The following FCRL1 variants were observed in gnomAD, a reference collection of about 807,000 sequenced individuals.
FCRL1 encodes the protein Fc receptor-like protein 1.
FCRL1 carries 34 observed loss-of-function variants against 49.2 expected under a neutral mutation model. That is an observed-to-expected ratio of 0.69 (90% CI 0.53 to 0.92). FCRL1 has a LOEUF of 0.92. Among genes scored for constraint, FCRL1 ranks in the 40% least tolerant of loss-of-function variants. FCRL1 has a pLI of 0.00. For synonymous variants in FCRL1, 218 were observed against 201.6 expected (o/e 1.08, Z -0.69); for missense variants, 524 against 524.1 (o/e 1.00, Z 0.00).
chr1:157,804,251 C>CG lies in FCRL1; in HGVS notation c.53-141_53-140insC, dbSNP rs201261723. ...AGGCCACCCTACATGTCTCCACCCC[C>CG]CCCCCAGTGGCCCATGGGCTTTCCT... is the stretch of plus-strand genomic sequence containing the variant. On this transcript the variant is annotated intron_variant, in intron 2 of 10. Coordinates refer to ENST00000368176, the MANE Select transcript of FCRL1 (RefSeq NM_052938.5). The CG allele has an allele frequency of 7.5e-5, 73 of 974,958 alleles. 1 individual carries two copies. The highest frequency in any genetic ancestry group is 4.4e-5 in the Non-Finnish European group (30 of 679,238). 60.4% of individuals were successfully genotyped at this position (974,958 alleles called of 1,614,324 possible). A position where few individuals can be genotyped will look rare whatever the true frequency, so the allele number is the denominator to read the frequency against.
At position 157,802,519 on chromosome 1, in the gene FCRL1, G is replaced by A. The variant is rs2101842059; in HGVS notation, c.465C>T (p.Asn155=). The A allele has an allele frequency of 6.2e-7, 1 of 1,614,154 alleles. No homozygotes were observed. The highest frequency in any genetic ancestry group is 8.5e-7 in the Non-Finnish European group (1 of 1,180,042). ...GTGAACGCTGGGTCTTTGACTGAAG[G>A]TTTAAACCTACAGCCCCTTTGTACC... ...FLWYKGAVGL[N]LQSKTQRSLT... Residue 155 remains asparagine (N), a synonymous_variant, in exon 4 of 11, where the codon AAC becomes AAT. Coordinates refer to ENST00000368176, the MANE Select transcript of FCRL1 (RefSeq NM_052938.5).
intron 2 of FCRL1, 180 bp from the exon 3 acceptor site, chr1:157,804,291 C>G: frequency 1.6e-6 from 1 of 622,112 alleles, no homozygotes; most frequent in African/African-American, 1.9e-5. Context: ...CATGAACTCA[C>G]CCTGCTCACC....
chr1:157,802,449 C>T lies in FCRL1; in HGVS notation c.535G>A (p.Glu179Lys). 1 of 1,614,182 alleles carries T rather than the reference C, an allele frequency of 6.2e-7. No individual in the cohort carries two copies. The highest frequency in any genetic ancestry group is 8.5e-7 in the Non-Finnish European group (1 of 1,180,014). Residue 179 changes from glutamate to lysine, a missense_variant, in exon 4 of 11, where the codon GAG becomes AAG. Transcript: ENST00000368176. The part of the protein sequence containing the change: ...EIPSVRESDA[E>K]QYYCVAENGY... ...TTTTCAGCTACACAGTAATATTGCT[C>T]AGCATCACTCTCCCTCACTGAAGGA...
chr1:157,808,702 A>G (rs1653843802), intron 1 of FCRL1, among the ~76,000 whole-genome samples: 1 of 152,230 alleles, frequency 6.6e-6, no homozygotes. Flanking sequence ...GCAGTATAGA[A>G]GTGAAAGAAA....
chr1:157,810,750 G>A (rs1481873122), intron 1 of FCRL1, among the ~76,000 whole-genome samples: 1 of 152,028 alleles, frequency 6.6e-6, no homozygotes, highest in Non-Finnish European at 1.5e-5. Flanking sequence ...AAGAATGAAA[G>A]GAAGTGAAGC....
chr1:157,803,639 G>A (rs978202581), intron 3 of FCRL1, among the ~76,000 whole-genome samples: 3 of 152,162 alleles, frequency 2.0e-5, no homozygotes, highest in African/African-American at 7.2e-5. Flanking sequence ...ACACAGTAAG[G>A]GTTTCCTAAG....
chr1:157,796,142 C>T lies in FCRL1; in HGVS notation c.1247G>A (p.Arg416Lys), dbSNP rs147036979. The change falls in exon 11 of 11, where the codon AGG becomes AAG. Residue 416 changes from arginine to lysine, a missense_variant. Physicochemically the swap from Arg to Lys is conservative, Grantham distance 26 (BLOSUM62 2). Transcript: ENST00000368176. ...GTCCACATCTGTAATGTTTGCTTTC[C>T]TCAGCCTGGAATAGATGTCTAAGGA... Reference protein sequence around the residue: ...KVSLDIYSRLRKANITDVDYE... With the variant: ...KVSLDIYSRLKKANITDVDYE... 2.2e-3 allele frequency: 3,484 copies of T among 1,614,010 alleles called. 3 individuals are homozygous for T. Among genetic ancestry groups the T allele is most frequent in the Non-Finnish European group, 2.7e-3 (3,187 of 1,179,922 alleles).
At chr1:157,813,082 C>T (rs1003484312) in intron 1 of FCRL1, among the ~76,000 whole-genome samples, 7 of 152,246 alleles carry the variant, frequency 4.6e-5, no homozygotes, top group East Asian at 1.9e-4. Context: ...AAGGATCCAT[C>T]GGCACCCTAG....
chr1:157,801,064 G>A (rs1652372034), intron 6 of FCRL1, among the ~76,000 whole-genome samples: 1 of 151,980 alleles, frequency 6.6e-6, no homozygotes, highest in Non-Finnish European at 1.5e-5. Flanking sequence ...GCTAATTTTT[G>A]TATTTTTAGT....
At chr1:157,817,253 T>C (rs1655171391) in intron 1 of FCRL1, among the ~76,000 whole-genome samples, 1 of 121,856 alleles carries the variant, frequency 8.2e-6, no homozygotes, top group Non-Finnish European at 1.8e-5. Flanking sequence ...GGTATTATAC[T>C]ACCTGACTTC....
chr1:157,801,488 A>G lies in FCRL1; in HGVS notation c.976T>C (p.Phe326Leu). 1.2e-6 allele frequency: 2 copies of G among 1,613,740 alleles called. No homozygotes were observed. The highest frequency in any genetic ancestry group is 1.7e-6 in the Non-Finnish European group (2 of 1,179,724). Residue 326 changes from phenylalanine to leucine, a missense_variant, in exon 6 of 11, where the codon TTT (phenylalanine) becomes CTT (leucine). By Grantham distance (22) the Phe-to-Leu change is conservative. Coordinates refer to ENST00000368176, the MANE Select transcript of FCRL1 (RefSeq NM_052938.5). ...TLGPATVALLFCYGLKRKIGR... is the reference protein window; with the variant it reads ...TLGPATVALLLCYGLKRKIGR... ...ATTTTTCTTTTGAGGCCGTAGCAAA[A>G]TAATAAGGCCACGGTGGCTGGACCA...
intron 3 of FCRL1, among the ~76,000 whole-genome samples, chr1:157,803,018 C>G (rs1344728945): frequency 6.6e-6 from 1 of 152,168 alleles, no homozygotes; most frequent in African/African-American, 2.4e-5. Flanking sequence ...GGTTCCAACT[C>G]TTTTACTCGT....
At chr1:157,817,620 A>AT (rs1453261857) in intron 1 of FCRL1, among the ~76,000 whole-genome samples, 1 of 152,060 alleles carries the variant, frequency 6.6e-6, no homozygotes, top group Non-Finnish European at 1.5e-5. Flanking sequence ...TTGGGCAGTG[A>AT]TTTTTTTGGC....
chr1:157,802,031 C>A lies in FCRL1; in HGVS notation c.770G>T (p.Gly257Val), dbSNP rs1322772805. The stretch of plus-strand genomic sequence containing the variant: ...GGAAAGGTTGAAGGAGGCTCCTCCT[C>A]CAGAGGGGGCCGACCTGCTCCCCAG... ...ITLGSRSAPS[G>V]GGASFNLSLT... The change falls in exon 5 of 11, where the codon GGA becomes GTA. Residue 257 changes from glycine to valine, a missense_variant. Gly to Val is a moderately radical substitution (Grantham distance 109, BLOSUM62 -3). Transcript: ENST00000368176. The A allele has an allele frequency of 1.9e-6, 3 of 1,614,098 alleles. No individual in the cohort carries two copies. The African/African-American group carries it at 4.0e-5, about 22-fold the overall frequency.
chr1:157,799,627 C>T (rs1223239988), intron 7 of FCRL1, among the ~76,000 whole-genome samples: 1 of 151,820 alleles, frequency 6.6e-6, no homozygotes, highest in East Asian at 1.9e-4. Context: ...ACATCACACA[C>T]CGGGGACTGT....
chr1:157,819,884 G>A, intron 1 of FCRL1, 123 bp downstream of exon 1: 1 of 1,128,416 alleles, frequency 8.9e-7, no homozygotes, highest in East Asian at 2.4e-5. Context: ...TGGAAGTGGA[G>A]ATCTGAGCAC....
At chr1:157,815,487 C>T (rs1449052166) in intron 1 of FCRL1, among the ~76,000 whole-genome samples, 1 of 151,674 alleles carries the variant, frequency 6.6e-6, no homozygotes, top group Non-Finnish European at 1.5e-5. Flanking sequence ...GCAGTGAATG[C>T]CTACATCAAA....
chr1:157,803,421 C>T (rs1351993785), intron 3 of FCRL1, among the ~76,000 whole-genome samples: 1 of 152,172 alleles, frequency 6.6e-6, no homozygotes, highest in African/African-American at 2.4e-5. Flanking sequence ...GCTCCAGTAA[C>T]CTATTCTACA....
In FCRL1 at chr1:157,802,273, C is replaced by T. The variant is rs906586243; in HGVS notation, c.608-80G>A. On this transcript the variant is annotated intron_variant, in intron 4 of 10. Transcript: ENST00000368176. Reference sequence around the variant, plus strand: ...AATCCCTGCCCACCGATGCTCAGCCCCATTGAACTTCCTCAGCATGCCCCA... The same window carrying T: ...AATCCCTGCCCACCGATGCTCAGCCTCATTGAACTTCCTCAGCATGCCCCA... The T allele has an allele frequency of 6.3e-6, 10 of 1,575,478 alleles. No homozygotes were observed. The Admixed American group carries it at 1.2e-4, about 19-fold the overall frequency.
Sources: gnomAD v4.1 joint callset for allele counts (sites outside exome capture counted in the v4.1 genomes callset) on GRCh38, gnomAD v4.1.1 for gene constraint, MANE v1.5 for transcripts, NCBI Gene and HGNC (gene_info 2026-07-23, HGNC 2026-07-21) for gene names.